The following NOL4 variants were observed in gnomAD, a reference collection of about 807,000 sequenced individuals.
NOL4 encodes nucleolar protein 4, also known as cancer/testis antigen 125.
NOL4 carries 17 observed loss-of-function variants against 75.9 expected under a neutral mutation model. The ratio of observed to expected loss-of-function variants is 0.22; its 90% CI spans 0.15 to 0.34. NOL4 has a LOEUF of 0.34. Ranked by LOEUF, NOL4 falls within the 10% of genes least tolerant of loss-of-function variation. The pLI is 1.00. For missense variants in NOL4, 614 were observed against 793.5 expected (o/e 0.77, Z 2.72); for synonymous variants, 292 against 289.9 (o/e 1.01, Z -0.07).
At chr18:34,077,973 T>C (rs1286936640) in intron 5 of NOL4, among the ~76,000 whole-genome samples, 2 of 152,132 alleles carry the variant, frequency 1.3e-5, no homozygotes, top group African/African-American at 4.8e-5. Flanking sequence ...ACAAATAAAA[T>C]AATTTTTACA....
At chr18:33,859,711 G>A (rs577846752) in intron 10 of NOL4, among the ~76,000 whole-genome samples, 1 of 152,226 alleles carries the variant, frequency 6.6e-6, no homozygotes, top group East Asian at 1.9e-4. Flanking sequence ...TTGTGGTCAG[G>A]TGTACAAGAC....
At chr18:34,091,783 G>C (rs1355771227) in intron 5 of NOL4, among the ~76,000 whole-genome samples, 1 of 152,108 alleles carries the variant, frequency 6.6e-6, no homozygotes, top group Non-Finnish European at 1.5e-5. Context: ...AACTCAGCAA[G>C]AAATGTAAGA....
At chr18:33,936,386 A>G (rs887891073) in intron 9 of NOL4, among the ~76,000 whole-genome samples, 3 of 149,998 alleles carry the variant, frequency 2.0e-5, no homozygotes, top group African/African-American at 7.4e-5. Flanking sequence ...CATTGGGTTC[A>G]TGCTGGTTAA....
intron 9 of NOL4, among the ~76,000 whole-genome samples, chr18:33,927,581 C>T (rs139726999): frequency 6.6e-6 from 1 of 152,234 alleles, no homozygotes; most frequent in East Asian, 1.9e-4. Flanking sequence ...ACTGATAACA[C>T]AGCAAAGATT....
intron 8 of NOL4, among the ~76,000 whole-genome samples, chr18:33,946,427 A>G (rs996290959): frequency 6.6e-6 from 1 of 151,754 alleles, no homozygotes; most frequent in African/African-American, 2.4e-5. Flanking sequence ...TAGATAACCT[A>G]CATTCAAGTT....
intron 10 of NOL4, among the ~76,000 whole-genome samples, chr18:33,878,822 A>T (rs1022232270): frequency 6.6e-6 from 1 of 152,114 alleles, no homozygotes; most frequent in Non-Finnish European, 1.5e-5. Flanking sequence ...GTTTTTGTTT[A>T]AATGTACTGA....
At chr18:34,041,595 C>G (rs528238638) in intron 5 of NOL4, among the ~76,000 whole-genome samples, 1 of 151,928 alleles carries the variant, frequency 6.6e-6, no homozygotes, top group South Asian at 2.1e-4. Context: ...ACATTTGCTG[C>G]ATTCTTTAAC....
At chr18:34,059,826 C>A (rs1344991068) in intron 5 of NOL4, among the ~76,000 whole-genome samples, 1 of 152,132 alleles carries the variant, frequency 6.6e-6, no homozygotes, top group Non-Finnish European at 1.5e-5. Context: ...TGTGCAGAGA[C>A]CATGTAGGGA....
chr18:34,191,028 A>T (rs2034872597), intron 1 of NOL4, among the ~76,000 whole-genome samples: 1 of 152,092 alleles, frequency 6.6e-6, no homozygotes, highest in African/African-American at 2.4e-5. Flanking sequence ...ATCACTGAAT[A>T]AGCAAATAAA....
intron 1 of NOL4, among the ~76,000 whole-genome samples, chr18:34,217,099 G>A (rs1342576050): frequency 1.3e-5 from 2 of 151,878 alleles, no homozygotes; most frequent in Admixed American, 1.3e-4. Flanking sequence ...ATTTTGATGG[G>A]ACATTTGGTA....
At chr18:34,037,141 C>G (rs1197716135) in intron 5 of NOL4, among the ~76,000 whole-genome samples, 1 of 152,020 alleles carries the variant, frequency 6.6e-6, no homozygotes, top group Non-Finnish European at 1.5e-5. Context: ...AGTGAAATAG[C>G]TGAAAGTGAA....
intron 9 of NOL4, among the ~76,000 whole-genome samples, chr18:33,886,828 T>TATATATCTATATATCTAGATATATCTAC (rs1460930308): frequency 5.1e-5 from 7 of 137,796 alleles, no homozygotes; most frequent in Admixed American, 2.3e-4. Flanking sequence ...TCTATATACA[T>TATATATCTATATATCTAGATATATCTAC]ATATATCTAT....
chr18:34,059,273 T>C (rs988782850), intron 5 of NOL4, among the ~76,000 whole-genome samples: 3 of 151,828 alleles, frequency 2.0e-5, no homozygotes, highest in Non-Finnish European at 2.9e-5. Context: ...TTTTGTCTTA[T>C]GCAGCCTTCT....
intron 6 of NOL4, among the ~76,000 whole-genome samples, chr18:33,981,950 C>T (rs1353650113): frequency 6.6e-6 from 1 of 151,960 alleles, no homozygotes; most frequent in Non-Finnish European, 1.5e-5. Flanking sequence ...ACTTGTACTA[C>T]TCATGAATCT....
At chr18:34,216,854 G>A (rs1236303031) in intron 1 of NOL4, among the ~76,000 whole-genome samples, 2 of 151,892 alleles carry the variant, frequency 1.3e-5, no homozygotes, top group African/African-American at 4.8e-5. Flanking sequence ...TCTTTGAGAA[G>A]AAACATTTAT....
rs192427367 is a variant in NOL4, at chr18:33,964,207, G to A, written c.1057-5789C>T. 1.8e-3 allele frequency among the ~76,000 whole-genome samples: 272 copies of A among 152,200 alleles called. 3 individuals carry two copies. The highest frequency in any genetic ancestry group is 6.8e-3 in the Middle Eastern group (2 of 294). ...AACACATAGAAGGAATAAAGTAAACGTTTTCTGAGTGAGTGACTGATTACA... is the reference window on the plus strand; with the variant it reads ...AACACATAGAAGGAATAAAGTAAACATTTTCTGAGTGAGTGACTGATTACA... On this transcript the variant is annotated intron_variant, in intron 6 of 10. Coordinates refer to ENST00000261592, the MANE Select transcript of NOL4 (RefSeq NM_003787.5).
intron 8 of NOL4, among the ~76,000 whole-genome samples, chr18:33,949,246 T>A (rs1001394803): frequency 4.6e-5 from 7 of 152,132 alleles, no homozygotes; most frequent in African/African-American, 1.7e-4. Flanking sequence ...GTAGTTCAAC[T>A]GTCCTTATTT....
intron 6 of NOL4, among the ~76,000 whole-genome samples, chr18:34,009,093 A>G (rs1057502998): frequency 6.6e-6 from 1 of 151,520 alleles, no homozygotes; most frequent in African/African-American, 2.4e-5. Flanking sequence ...TGAGGTAGTG[A>G]TCAGGAGAGG....
At chr18:34,199,815 C>A (rs1010889252) in intron 1 of NOL4, among the ~76,000 whole-genome samples, 1 of 151,732 alleles carries the variant, frequency 6.6e-6, no homozygotes, top group South Asian at 2.1e-4. Flanking sequence ...CAGAAAGCAC[C>A]AATTATTTAA....
Sources: gnomAD v4.1 joint callset for allele counts (sites outside exome capture counted in the v4.1 genomes callset) on GRCh38, gnomAD v4.1.1 for gene constraint, MANE v1.5 for transcripts, NCBI Gene and HGNC (gene_info 2026-07-23, HGNC 2026-07-21) for gene names.